CIT: variants seen among roughly 807,000 people sequenced by gnomAD.
CIT encodes citron rho-interacting serine/threonine kinase.
CIT carries 79 observed loss-of-function variants against 272.7 expected under a neutral mutation model. That is an observed-to-expected ratio of 0.29 (90% confidence interval 0.24 to 0.35). The LOEUF (loss-of-function observed/expected upper bound fraction) is 0.35, where lower values mean the gene tolerates loss of function less well. Ranked by LOEUF, CIT falls within the 10% of genes least tolerant of loss-of-function variation. The pLI is 1.00. For synonymous variants in CIT, 948 were observed against 995.6 expected, an observed-to-expected ratio of 0.95 and a Z score of 0.90; for missense variants, 1,909 against 2,618.3, an observed-to-expected ratio of 0.73 and a Z score of 5.91.
intron 3 of CIT, among the ~76,000 whole-genome samples, chr12:119,862,452 T>C (rs1950369119): frequency 6.6e-6 from 1 of 152,106 alleles, no homozygotes; most frequent in South Asian, 2.1e-4. Context: ...TGTGCTATAT[T>C]CTAAACGTTT....
intron 9 of CIT, among the ~76,000 whole-genome samples, chr12:119,818,388 G>A (rs1967392163): frequency 1.3e-5 from 2 of 152,210 alleles, no homozygotes; most frequent in Non-Finnish European, 2.9e-5. Context: ...CTGAAGCTAA[G>A]TAGGCACAGA....
At chr12:119,723,886 T>C (rs1366417368) in intron 28 of CIT, among the ~76,000 whole-genome samples, 1 of 152,204 alleles carries the variant, frequency 6.6e-6, no homozygotes, top group Non-Finnish European at 1.5e-5. Context: ...AAGATCCCAA[T>C]GTATTCAGTG....
intron 28 of CIT, among the ~76,000 whole-genome samples, chr12:119,723,681 GA>G (rs1163025900): frequency 6.6e-6 from 1 of 152,126 alleles, no homozygotes; most frequent in African/African-American, 2.4e-5. Context: ...AGACCAACAA[GA>G]AAAACTTCAG....
At chr12:119,775,659 C>A in intron 16 of CIT, 127 bp downstream of exon 16, 1 of 673,994 alleles carries the variant, frequency 1.5e-6, no homozygotes, top group East Asian at 2.7e-5. Context: ...GCTCACTCCC[C>A]CTTCATTTTC....
At chr12:119,732,220 A>C (rs1383256301) in intron 26 of CIT, among the ~76,000 whole-genome samples, 2 of 152,218 alleles carry the variant, frequency 1.3e-5, no homozygotes, top group Admixed American at 6.5e-5. Context: ...GAAAAAAGAA[A>C]AAAAAGGAAA....
chr12:119,856,890 A>G (rs1001837389), intron 4 of CIT, among the ~76,000 whole-genome samples: 1 of 152,250 alleles, frequency 6.6e-6, no homozygotes, highest in Non-Finnish European at 1.5e-5. Context: ...TGGGTACATT[A>G]TCAGACATAT....
intron 3 of CIT, among the ~76,000 whole-genome samples, chr12:119,865,201 C>G (rs1197397681): frequency 6.6e-6 from 1 of 152,190 alleles, no homozygotes. Flanking sequence ...CTACATTCCA[C>G]TAAACCAAGT....
At chr12:119,729,542 T>C (rs1184310235) in intron 27 of CIT, among the ~76,000 whole-genome samples, 3 of 152,236 alleles carry the variant, frequency 2.0e-5, no homozygotes, top group African/African-American at 7.2e-5. Flanking sequence ...AGTTAAATGA[T>C]TTTTAATAAA....
rs751421292 is a variant in CIT, at chr12:119,863,201, C to CAAAAA, written c.239-5508_239-5504dup. ...TGGGCAACAGAGCGAGACTCTGTAT[C>CAAAAA]AAAAAAAAAAAAAAAAAAAAAAAAG... On this transcript the variant is annotated intron_variant, in intron 3 of 47. Transcript: ENST00000392521. Among the ~76,000 whole-genome samples the CAAAAA allele has an allele frequency of 2.5e-3, 102 of 40,510 alleles. 4 individuals are homozygous for CAAAAA. Among genetic ancestry groups the CAAAAA allele is most frequent in the African/African-American group, 6.9e-3 (79 of 11,500 alleles). The allele number at this position is 40,510 out of a possible 152,430, so 26.6% of individuals were successfully genotyped here. A position where few individuals can be genotyped will look rare whatever the true frequency, so the allele number is the denominator to read the frequency against.
At chr12:119,708,805 TC>T (rs1443855137) in intron 39 of CIT, among the ~76,000 whole-genome samples, 4 of 152,170 alleles carry the variant, frequency 2.6e-5, no homozygotes, top group Admixed American at 6.5e-5. Flanking sequence ...ATGATTTAAA[TC>T]TAAGACAATA....
At position 119,728,178 on chromosome 12, in the gene CIT, G is replaced by C. The variant is rs1958227598; in HGVS notation, c.3591+324C>G. ...TTAGGGCAGTGAAACTATCCTGTATGATACAGTAAAGGTGGATAACTGTCA... is the reference window on the plus strand; with the variant it reads ...TTAGGGCAGTGAAACTATCCTGTATCATACAGTAAAGGTGGATAACTGTCA... On this transcript the variant is annotated intron_variant, in intron 28 of 47. Coordinates refer to ENST00000392521, the MANE Select transcript of CIT (RefSeq NM_001206999.2). This position sits in a 1 kb window ranked among gnomAD's most constrained non-coding sequence, Gnocchi z 4.3. Among the ~76,000 whole-genome samples the C allele has an allele frequency of 6.6e-6, 1 of 152,146 alleles. No homozygotes were observed. Among genetic ancestry groups the C allele is most frequent in the South Asian group, 2.1e-4 (1 of 4,826 alleles).
At chr12:119,757,982 C>T (rs897217792) in intron 21 of CIT, among the ~76,000 whole-genome samples, 1 of 152,168 alleles carries the variant, frequency 6.6e-6, no homozygotes, top group Non-Finnish European at 1.5e-5. Flanking sequence ...CTGCAGATCT[C>T]CCTCACCTCT....
At chr12:119,754,353 C>A (rs1361830361) in intron 22 of CIT, among the ~76,000 whole-genome samples, 5 of 152,214 alleles carry the variant, frequency 3.3e-5, no homozygotes, top group African/African-American at 4.8e-5. Flanking sequence ...GACCATTGCA[C>A]TTGACCATGT....
chr12:119,712,606 T>C lies in CIT; in HGVS notation c.4669A>G (p.Asn1557Asp). The C allele has an allele frequency of 6.2e-7, 1 of 1,614,136 alleles. No homozygotes were observed. Among genetic ancestry groups the C allele is most frequent in the East Asian group, 2.2e-5 (1 of 44,870 alleles). Residue 1557 changes from asparagine (N) to aspartate (D), a missense_variant, in exon 36 of 48, where the codon AAT becomes GAT. Asn to Asp is a conservative substitution (Grantham distance 23). This residue lies in a region of CIT where 780 missense variants were observed against 1,067.2 expected (regional missense o/e 0.73). Coordinates refer to ENST00000392521, the MANE Select transcript of CIT (RefSeq NM_001206999.2). This position sits in a 1 kb window ranked among gnomAD's most constrained non-coding sequence, Gnocchi z 5.2. Reference protein sequence around the residue: ...HGAVGASELANTAKADVPYIL... With the variant: ...HGAVGASELADTAKADVPYIL... ...TCCTCCTCACCTGCTTTGGCTGTAT[T>C]TGCGAGTTCGGAAGCACCAACGGCA...
Position 119,710,132 on chromosome 12 carries a change from G to T in CIT, c.5071+119C>A. The T allele has an allele frequency of 8.9e-7, 1 of 1,118,614 alleles. No individual in the cohort carries two copies. Among genetic ancestry groups the T allele is most frequent in the Non-Finnish European group, 1.3e-6 (1 of 774,796 alleles). 69.3% of individuals were successfully genotyped at this position (1,118,614 alleles called of 1,614,324 possible). ...AGGCTTGGGCATCTATGGGGACACA[G>T]AGATAAGAGCTACAACGGCTCCTCT... On this transcript the variant is annotated intron_variant, in intron 39 of 47. Transcript: ENST00000392521. The surrounding 1 kb of genome is among the most constrained non-coding windows in gnomAD (Gnocchi z 5.6).
chr12:119,783,744 G>A, intron 12 of CIT, 164 bp downstream of exon 12: 2 of 783,296 alleles, frequency 2.6e-6, no homozygotes, highest in Admixed American at 2.6e-5. Context: ...CTTACGCCTG[G>A]CTCTCACTAC....
intron 10 of CIT, among the ~76,000 whole-genome samples, chr12:119,800,076 A>T (rs1966061497): frequency 1.3e-5 from 2 of 152,090 alleles, no homozygotes; most frequent in African/African-American, 4.8e-5. Context: ...GAAGGAAAAG[A>T]GCTGAGATCT....
chr12:119,741,941 G>C (rs1215713688), intron 24 of CIT, among the ~76,000 whole-genome samples: 1 of 152,140 alleles, frequency 6.6e-6, no homozygotes, highest in East Asian at 1.9e-4. Flanking sequence ...AATTTTGCCT[G>C]GTAGAAAGTT....
chr12:119,728,740 T>G lies in CIT; in HGVS notation c.3487-134A>C. 1.6e-6 allele frequency: 1 copy of G among 622,748 alleles called. No homozygotes were observed. Among genetic ancestry groups the G allele is most frequent in the Non-Finnish European group, 2.8e-6 (1 of 358,328 alleles). The allele number at this position is 622,748 out of a possible 1,614,324, so 38.6% of individuals were successfully genotyped here. Reference sequence around the variant, plus strand: ...GGTCAGAACGTAAAGGTTGCTTTTTTCTAAATACAGAAGTCCCTGTCACTG... The same window carrying G: ...GGTCAGAACGTAAAGGTTGCTTTTTGCTAAATACAGAAGTCCCTGTCACTG... On this transcript the variant is annotated intron_variant, in intron 27 of 47. Transcript: ENST00000392521. This position sits in a 1 kb window ranked among gnomAD's most constrained non-coding sequence, Gnocchi z 4.3.
Sources: gnomAD v4.1 joint callset for allele counts (sites outside exome capture counted in the v4.1 genomes callset) on GRCh38, gnomAD v4.1.1 for gene constraint, gnomAD v4.1.1 regional missense constraint, Gnocchi (gnomAD v3.1) non-coding constraint, MANE v1.5 for transcripts, NCBI Gene and HGNC (gene_info 2026-07-23, HGNC 2026-07-21) for gene names.